MYH2: variants seen among roughly 807,000 people sequenced by gnomAD.
The protein encoded by MYH2 is myosin heavy chain 2, also known as myosin-2.
Under a neutral mutation model 228.1 loss-of-function variants are expected in MYH2, and 139 were observed. The observed-to-expected ratio is 0.61, with a 90% CI of 0.53 to 0.70. MYH2 has a LOEUF of 0.70. MYH2 is among the 30% of genes least tolerant of loss of function. MYH2 has a pLI of 0.00. For synonymous variants in MYH2, 796 were observed against 871.1 expected, an observed-to-expected ratio of 0.91 and a Z score of 1.52; for missense variants, 1,809 against 2,357.5, an observed-to-expected ratio of 0.77 and a Z score of 4.82.
At chr17:10,533,193 T>G in intron 21 of MYH2, 92 bp downstream of exon 21, 1 of 1,561,466 alleles carries the variant, frequency 6.4e-7, no homozygotes, top group Non-Finnish European at 8.8e-7. Context: ...CATTTCTTCT[T>G]TAGTGTCCTT....
rs772937841 is a variant in MYH2 at position 10,535,265 on chromosome 17, T to C, written c.2062+13A>G. 2 of 1,614,040 alleles carry C rather than the reference T, an allele frequency of 1.2e-6. No individual in the cohort carries two copies. The highest frequency in any genetic ancestry group is 1.7e-5 in the Admixed American group (1 of 60,032). On this transcript the variant is annotated intron_variant, in intron 18 of 39. Coordinates refer to ENST00000245503, the MANE Select transcript of MYH2 (RefSeq NM_017534.6). Reference sequence around the variant, plus strand: ...GCAGTCATCCTTTGCACTTTCATTATGGAATTTCTTACCAGGAGTTTTTGT... The same window carrying C: ...GCAGTCATCCTTTGCACTTTCATTACGGAATTTCTTACCAGGAGTTTTTGT...
chr17:10,542,465 T>A (rs191841268), intron 10 of MYH2, among the ~76,000 whole-genome samples: 1 of 152,156 alleles, frequency 6.6e-6, no homozygotes, highest in Non-Finnish European at 1.5e-5. Context: ...TTGGAAATAA[T>A]GATGTGGAGC....
intron 24 of MYH2, 34 bp from the exon 25 acceptor site, chr17:10,529,515 C>T: frequency 1.2e-6 from 2 of 1,614,198 alleles, no homozygotes; most frequent in Non-Finnish European, 1.7e-6. Context: ...AGAAGGAATG[C>T]TTATCTTCCT....
At position 10,525,807 on chromosome 17, in the gene MYH2, G is replaced by A. The variant is rs1203810493; in HGVS notation, c.4257C>T (p.Ser1419=). The A allele has an allele frequency of 3.7e-6, 6 of 1,614,162 alleles. No individual in the cohort carries two copies. Among genetic ancestry groups the A allele is most frequent in the Non-Finnish European group, 5.1e-6 (6 of 1,180,020 alleles). Residue 1419 remains serine, a synonymous_variant, in exon 31 of 40, where the codon TCC becomes TCT. Transcript: ENST00000245503. The surrounding 1 kb of genome is among the most constrained non-coding windows in gnomAD (Gnocchi z 4.2). The part of the protein sequence containing the change: ...HVEAVNAKCA[S]LEKTKQRLQN... The stretch of plus-strand genomic sequence containing the variant: ...GCAGCCGCTGCTTCGTCTTTTCGAG[G>A]GAAGCACATTTGGCGTTCACAGCTT...
At chr17:10,523,035 A>G in intron 39 of MYH2, 55 bp downstream of exon 39, 1 of 1,237,970 alleles carries the variant, frequency 8.1e-7, no homozygotes, top group Middle Eastern at 2.1e-4. Context: ...TCACTACAAG[A>G]AGTAGTAATT....
rs201260043 is a variant in MYH2, at chr17:10,545,339, C to T, written c.505+7G>A. ...TTACGCACTTGCAAAGCATTCGGCT[C>T]ACTCACCAGTCAGCATGAACTGATA... On this transcript the variant is annotated splice_region_variant and intron_variant, in intron 5 of 39. Coordinates refer to ENST00000245503, the MANE Select transcript of MYH2 (RefSeq NM_017534.6). 3 of 1,613,278 alleles carry T rather than the reference C, an allele frequency of 1.9e-6. No individual in the cohort carries two copies. Among genetic ancestry groups the T allele is most frequent in the East Asian group, 2.2e-5 (1 of 44,860 alleles).
chr17:10,548,602 G>A (rs1029330660), intron 2 of MYH2, among the ~76,000 whole-genome samples: 2 of 151,752 alleles, frequency 1.3e-5, no homozygotes, highest in African/African-American at 4.8e-5. Flanking sequence ...ATAATTTTTT[G>A]CATATTAAAT....
chr17:10,529,789 G>C (rs1282054531), intron 23 of MYH2, 43 bp downstream of exon 23: 1 of 1,613,992 alleles, frequency 6.2e-7, no homozygotes, highest in Non-Finnish European at 8.5e-7. Context: ...ACCTTTGTTG[G>C]GTGGCAGAAC....
At position 10,528,808 on chromosome 17, in the gene MYH2, A is replaced by C. The variant is rs773070895; in HGVS notation, c.3626T>G (p.Leu1209Arg). Reference sequence around the variant, plus strand: ...CTGCAGGTTGTCAATCTGCTCCCCAAGCTCGGCCACACTATCTGCATGCTT... The same window carrying C: ...CTGCAGGTTGTCAATCTGCTCCCCACGCTCGGCCACACTATCTGCATGCTT... ...RKKHADSVAE[L>R]GEQIDNLQRV... The change falls in exon 27 of 40, where the codon CTT becomes CGT. Residue 1209 changes from leucine to arginine, a missense_variant. By Grantham distance (102) the Leu-to-Arg change is moderately radical (BLOSUM62 -2). Transcript: ENST00000245503. 1 of 1,614,168 alleles carries C rather than the reference A, an allele frequency of 6.2e-7. No individual in the cohort carries two copies. The highest frequency in any genetic ancestry group is 2.2e-5 in the East Asian group (1 of 44,886).
chr17:10,537,145 C>T lies in MYH2; in HGVS notation c.1897+88G>A. The T allele has an allele frequency of 6.4e-7, 1 of 1,558,808 alleles. No individual in the cohort carries two copies. ...AGGAACCAGGGGCTTGGTCTGCAAC[C>T]CTTCTGCCAGACCTAAGAGATCACT... On this transcript the variant is annotated intron_variant, in intron 16 of 39. Transcript: ENST00000245503. The surrounding 1 kb of genome is among the most constrained non-coding windows in gnomAD (Gnocchi z 4.0).
At chr17:10,546,256 G>GATAGATATATAT (rs2073627936) in intron 4 of MYH2, among the ~76,000 whole-genome samples, 1 of 66,102 alleles carries the variant, frequency 1.5e-5, no homozygotes, top group African/African-American at 7.2e-5. Flanking sequence ...GACACGAAAT[G>GATAGATATATAT]ATATATATAT....
At position 10,547,519 on chromosome 17, in the gene MYH2, C is replaced by T. The variant is rs1131691454; in HGVS notation, c.304G>A (p.Val102Met). Residue 102 changes from valine (V) to methionine (M), a missense_variant, in exon 4 of 40, where the codon GTG becomes ATG. Physicochemically the swap from Val to Met is conservative, Grantham distance 21. Coordinates refer to ENST00000245503, the MANE Select transcript of MYH2 (RefSeq NM_017534.6). ...AMMTHLHEPA[V>M]LYNLKERYAA... ...TAACGTTCTTTGAGGTTGTACAGCA[C>T]AGCAGGCTCATGCAGATGAGTCATC... The T allele has an allele frequency of 4.3e-6, 7 of 1,614,094 alleles. No homozygotes were observed. The highest frequency in any genetic ancestry group is 5.9e-6 in the Non-Finnish European group (7 of 1,180,004).
In MYH2 at chr17:10,543,912, C is replaced by T. The variant is rs1224730298; in HGVS notation, c.638G>A (p.Gly213Asp). 3 of 1,614,134 alleles carry T rather than the reference C, an allele frequency of 1.9e-6. No homozygotes were observed. Among genetic ancestry groups the T allele is most frequent in the Middle Eastern group, 1.6e-4 (1 of 6,062 alleles). The change falls in exon 7 of 40, where the codon GGC becomes GAC. Residue 213 changes from glycine to aspartate, a missense_variant. By Grantham distance (94) the Gly-to-Asp change is moderately conservative. Coordinates refer to ENST00000245503, the MANE Select transcript of MYH2 (RefSeq NM_017534.6). ...GACAATCAGACTCACCTGTATTTTG[C>T]CAGAAGTAATTTCTTCCTTCTTCTT... is the stretch of plus-strand genomic sequence containing the variant. ...GEKKKEEITSGKIQGTLEDQI... is the reference protein window; with the variant it reads ...GEKKKEEITSDKIQGTLEDQI...
chr17:10,533,508 C>T lies in MYH2; in HGVS notation c.2304+1G>A. On this transcript the variant is annotated splice_donor_variant, in intron 20 of 39. Transcript: ENST00000245503. LOFTEE classifies it high-confidence loss of function. The stretch of plus-strand genomic sequence containing the variant: ...ATCAGGTAGGATTTACAGAAAATTA[C>T]CTTGGTGTGCCCAAATTTATACTGG... 3.1e-6 allele frequency: 5 copies of T among 1,614,178 alleles called. No individual in the cohort carries two copies. The highest frequency in any genetic ancestry group is 2.2e-5 in the South Asian group (2 of 91,082).
chr17:10,525,704 TC>T lies in MYH2; in HGVS notation c.4359del (p.Asn1454ThrfsTer37). 1.2e-6 allele frequency: 2 copies of T among 1,614,164 alleles called. No homozygotes were observed. Among genetic ancestry groups the T allele is most frequent in the Non-Finnish European group, 1.7e-6 (2 of 1,180,028 alleles). On this transcript the variant is annotated frameshift_variant, in exon 31 of 40. Coordinates refer to ENST00000245503, the MANE Select transcript of MYH2 (RefSeq NM_017534.6). LOFTEE classifies it high-confidence loss of function. This position sits in a 1 kb window ranked among gnomAD's most constrained non-coding sequence, Gnocchi z 4.2. ...AACAALDKKQ[R>X]NFDKILAEWK... is the part of the protein sequence containing the mutation. ...GCTGGAGGAATTACCTTATCGAAGT[TC>T]CTTTGCTTTTTGTCAAGGGCGGCAC... is the stretch of plus-strand genomic sequence containing the variant.
chr17:10,531,652 A>G lies in MYH2; in HGVS notation c.2678T>C (p.Leu893Ser). 1 of 1,614,130 alleles carries G rather than the reference A, an allele frequency of 6.2e-7. No individual in the cohort carries two copies. Among genetic ancestry groups the G allele is most frequent in the Non-Finnish European group, 8.5e-7 (1 of 1,180,014 alleles). ...ACTCACAGCCTGAACTTGGAGCTGC[A>G]AGTCATTTTTTTCTTTCAACAGCGT... ...MVTLLKEKND[L>S]QLQVQAEAEG... The change falls in exon 22 of 40, where the codon TTG (leucine) becomes TCG (serine). Residue 893 changes from leucine (L) to serine (S), a missense_variant. Physicochemically the swap from Leu to Ser is moderately radical, Grantham distance 145. Around this residue, in one of 9 missense-constraint regions of MYH2, gnomAD observed 276 missense variants for 344.2 expected, o/e 0.80. Coordinates refer to ENST00000245503, the MANE Select transcript of MYH2 (RefSeq NM_017534.6).
chr17:10,540,554 A>C (rs1030174756), intron 11 of MYH2, 40 bp downstream of exon 11: 2 of 1,482,414 alleles, frequency 1.3e-6, no homozygotes, highest in African/African-American at 2.8e-5. Context: ...CATTACTCTG[A>C]CCCACCATAA....
rs1190372117 is a variant in MYH2 at position 10,525,949 on chromosome 17, AAG to A, written c.4188-75_4188-74del. The A allele has an allele frequency of 6.6e-7, 1 of 1,505,954 alleles. No individual in the cohort carries two copies. Among genetic ancestry groups the A allele is most frequent in the East Asian group, 2.3e-5 (1 of 43,096 alleles). The allele number at this position is 1,505,954 out of a possible 1,614,324, so 93.3% of individuals were successfully genotyped here. Reference sequence around the variant, plus strand: ...TTATGAGCTATTGCCACACACGCTGAAGAGTGTTAGAAACTTCACATTAATGC... The same window carrying A: ...TTATGAGCTATTGCCACACACGCTGAAGTGTTAGAAACTTCACATTAATGC... On this transcript the variant is annotated intron_variant, in intron 30 of 39. Transcript: ENST00000245503. The surrounding 1 kb of genome is among the most constrained non-coding windows in gnomAD (Gnocchi z 4.2).
rs770369215 is a variant in MYH2, at chr17:10,543,979, G to A, written c.571C>T (p.Arg191Cys). 6.2e-6 allele frequency: 10 copies of A among 1,614,010 alleles called. No individual in the cohort carries two copies. Among genetic ancestry groups the A allele is most frequent in the East Asian group, 2.2e-5 (1 of 44,896 alleles). The change falls in exon 7 of 40, where the codon CGT (arginine) becomes TGT (cysteine). Residue 191 changes from arginine (R) to cysteine (C), a missense_variant. Coordinates refer to ENST00000245503, the MANE Select transcript of MYH2 (RefSeq NM_017534.6). The part of the protein sequence containing the change: ...SGAGKTVNTK[R>C]VIQYFATIAV... Reference sequence around the variant, plus strand: ...ATTGTTGCAAAGTACTGGATGACACGCTTGGTGTTCACAGTCTTCCCTGCA... The same window carrying A: ...ATTGTTGCAAAGTACTGGATGACACACTTGGTGTTCACAGTCTTCCCTGCA...
Sources: allele counts gnomAD v4.1 joint callset (sites outside exome capture counted in the v4.1 genomes callset), GRCh38; gene constraint gnomAD v4.1.1; regional missense constraint gnomAD v4.1.1; non-coding constraint Gnocchi (gnomAD v3.1); transcripts MANE v1.5; gene names NCBI Gene and HGNC (gene_info 2026-07-23, HGNC 2026-07-21).